The following LENG8 variants were observed in gnomAD, a reference collection of about 807,000 sequenced individuals.
LENG8 encodes the protein leukocyte receptor cluster (LRC) member 8.
LENG8 carries 28 observed loss-of-function variants against 102.1 expected under a neutral mutation model. That is an observed-to-expected ratio of 0.27 (90% confidence interval 0.20 to 0.38). LENG8 has a LOEUF of 0.38. Among genes scored for constraint, LENG8 ranks in the 10% least tolerant of loss-of-function variants. The pLI, the probability that LENG8 is intolerant of heterozygous loss-of-function variation, is 1.00. For missense variants in LENG8, 1,022 were observed against 1,113.9 expected (o/e 0.92, Z 1.17); for synonymous variants, 531 against 456.7 (o/e 1.16, Z -2.07).
rs1406368810 is a variant in LENG8, at chr19:54,452,669, G to T, written c.232G>T (p.Ala78Ser). 1 of 1,614,048 alleles carries T rather than the reference G, an allele frequency of 6.2e-7. No individual in the cohort carries two copies. Among genetic ancestry groups the T allele is most frequent in the Non-Finnish European group, 8.5e-7 (1 of 1,179,922 alleles). The change falls in exon 4 of 16, where the codon GCC (alanine) becomes TCC (serine). Residue 78 changes from alanine (A) to serine (S), a missense_variant. Ala to Ser is a moderately conservative substitution (Grantham distance 99, BLOSUM62 1). Transcript: ENST00000326764. The stretch of plus-strand genomic sequence containing the variant: ...TCCACAGTACGTGTCCCAGGCAGAA[G>T]CCTCAGCTTTGCAGCAGCAGCAGTA... Reference protein sequence around the residue: ...ASAQYVSQAEASALQQQQYYQ... With the variant: ...ASAQYVSQAESSALQQQQYYQ...
Position 54,461,106 on chromosome 19 carries a change from GT to G in LENG8, c.*183del. ...GGAGTCTGTACAGAGATTTTTCTAC[GT>G]TTTTATTTTTTGCCTCAGAGGGATG... On this transcript the variant is annotated 3_prime_UTR_variant, in exon 16 of 16. Coordinates refer to ENST00000326764, the MANE Select transcript of LENG8 (RefSeq NM_052925.4). The G allele has an allele frequency of 2.0e-6, 2 of 1,002,410 alleles. No individual in the cohort carries two copies. The highest frequency in any genetic ancestry group is 3.0e-6 in the Non-Finnish European group (2 of 670,638). The allele number at this position is 1,002,410 out of a possible 1,614,324, so 62.1% of individuals were successfully genotyped here. A position where few individuals can be genotyped will look rare whatever the true frequency, so the allele number is the denominator to read the frequency against.
At chr19:54,455,646 G>T in intron 8 of LENG8, 79 bp downstream of exon 8, 1 of 1,290,190 alleles carries the variant, frequency 7.8e-7, no homozygotes, top group South Asian at 1.3e-5. Context: ...GGAGAGTTGC[G>T]GGTCCCAGGT....
At chr19:54,457,422 C>T (rs932457745) in intron 11 of LENG8, among the ~76,000 whole-genome samples, 44 of 152,216 alleles carry the variant, frequency 2.9e-4, no homozygotes, top group African/African-American at 1.0e-3. Flanking sequence ...CTCACCGCAG[C>T]CTCCGCTCCC....
In LENG8 at chr19:54,460,785, G is replaced by A. The variant is rs1490212601; in HGVS notation, c.2260G>A (p.Val754Ile). 6 of 1,340,700 alleles carry A rather than the reference G, an allele frequency of 4.5e-6. No homozygotes were observed. The highest frequency in any genetic ancestry group is 5.9e-6 in the Non-Finnish European group (6 of 1,012,910). The allele number at this position is 1,340,700 out of a possible 1,614,324, so 83.1% of individuals were successfully genotyped here. ...CCATAGCTTCCGCCCTGCGCTGCCA[G>A]TCTCCTACCTGCAGGCCGAGCTGGC... is the stretch of plus-strand genomic sequence containing the variant. ...MIKTFRPALP[V>I]SYLQAELAFE... Residue 754 changes from valine (V) to isoleucine (I), a missense_variant, in exon 16 of 16, where the codon GTC (valine) becomes ATC (isoleucine). Around this residue, in one of 7 missense-constraint regions of LENG8, gnomAD observed 129 missense variants for 123.0 expected, o/e 1.05. Transcript: ENST00000326764.
intron 15 of LENG8, 146 bp from the exon 16 acceptor site, chr19:54,460,612 TGAGGTGGG>T: frequency 7.2e-7 from 1 of 1,394,828 alleles, no homozygotes; most frequent in East Asian, 2.7e-5. Context: ...CCCGAGCCCC[TGAGGTGGG>T]GAGGCTGGGA....
intron 3 of LENG8, 70 bp downstream of exon 3, chr19:54,452,337 G>A (rs376303214): frequency 2.8e-5 from 39 of 1,378,122 alleles, no homozygotes; most frequent in African/African-American, 1.9e-4. Flanking sequence ...CTGGCGTCCT[G>A]TTGTATCATT....
intron 5 of LENG8, 136 bp downstream of exon 5, chr19:54,453,792 G>A (rs557152643): frequency 3.1e-6 from 2 of 654,148 alleles, no homozygotes; most frequent in East Asian, 2.8e-5. Flanking sequence ...CTGAAAATGA[G>A]GAGGACAGAG....
rs758146199 is a variant in LENG8, at chr19:54,451,375, A to G, written c.31A>G (p.Thr11Ala). 3 of 1,614,176 alleles carry G rather than the reference A, an allele frequency of 1.9e-6. No homozygotes were observed. The highest frequency in any genetic ancestry group is 2.2e-5 in the South Asian group (2 of 91,090). The stretch of plus-strand genomic sequence containing the variant: ...GGCCAACGTGGGTGATCAACGTAGC[A>G]CAGATTGGTTAGTGAGGCGAGAGGG... Reference protein sequence around the residue: MAANVGDQRSTDWSSQYSMVA... With the variant: MAANVGDQRSADWSSQYSMVA... Residue 11 changes from threonine to alanine, a missense_variant, in exon 2 of 16, where the codon ACA becomes GCA. Thr to Ala is a moderately conservative substitution (Grantham distance 58, BLOSUM62 0). This residue lies in a region of LENG8 where 37 missense variants were observed against 46.3 expected (regional missense o/e 0.80). Coordinates refer to ENST00000326764, the MANE Select transcript of LENG8 (RefSeq NM_052925.4).
intron 15 of LENG8, 85 bp from the exon 16 acceptor site, chr19:54,460,681 C>T (rs1011563568): frequency 1.1e-5 from 16 of 1,449,774 alleles, no homozygotes; most frequent in South Asian, 2.9e-5. Context: ...TGTGGGCACC[C>T]GAATGGGGGG....
In LENG8 at chr19:54,461,324, C is replaced by T. The variant is rs1490559488; in HGVS notation, c.*396C>T. 1.1e-5 allele frequency: 5 copies of T among 461,096 alleles called. No homozygotes were observed. The highest frequency in any genetic ancestry group is 2.2e-5 in the Non-Finnish European group (5 of 232,254). 28.6% of individuals were successfully genotyped at this position (461,096 alleles called of 1,614,324 possible). ...GGCCAGTGGAAAGAAGACAGGCCGT[C>T]CAGCCCGTGCCCGCCTGCGGCGGGG... is the stretch of plus-strand genomic sequence containing the variant. On this transcript the variant is annotated 3_prime_UTR_variant, in exon 16 of 16. Transcript: ENST00000326764.
At chr19:54,449,517 T>C in intron 1 of LENG8, 1 of 152,102 alleles carries the variant, frequency 6.6e-6, no homozygotes, top group Non-Finnish European at 1.5e-5. Flanking sequence ...TGCGCCGTCG[T>C]CTTCTAATTT....
rs187215838 is a variant in LENG8 at position 54,450,273 on chromosome 19, C to T, written c.-56+963C>T. 5.9e-3 allele frequency among the ~76,000 whole-genome samples: 893 copies of T among 152,284 alleles called. 9 individuals carry two copies. Among genetic ancestry groups the T allele is most frequent in the South Asian group, 0.048 (233 of 4,826 alleles). On this transcript the variant is annotated intron_variant, in intron 1 of 15. Coordinates refer to ENST00000326764, the MANE Select transcript of LENG8 (RefSeq NM_052925.4). The stretch of plus-strand genomic sequence containing the variant: ...CAGGCAGGGGTAGTCCCACTGAGGA[C>T]TCCCACGTAGGTCTCTTTACTGCCC...
In LENG8 at chr19:54,458,674, C is replaced by T. The variant is rs1249679621; in HGVS notation, c.2240+153C>T. 5 of 1,552,028 alleles carry T rather than the reference C, an allele frequency of 3.2e-6. No homozygotes were observed. In the East Asian group the frequency reaches 7.3e-5, roughly 23 times the overall value. On this transcript the variant is annotated intron_variant, in intron 15 of 15. Transcript: ENST00000326764. ...ATCATCTTTCTCCATTCAGCCCTCCCCTCTCCAGTTCCTCTTGCTCTCCTT... is the reference window on the plus strand; with the variant it reads ...ATCATCTTTCTCCATTCAGCCCTCCTCTCTCCAGTTCCTCTTGCTCTCCTT...
In LENG8 at chr19:54,461,013, T is replaced by G. The variant is rs1202030680; in HGVS notation, c.*85T>G. Reference sequence around the variant, plus strand: ...TCTGTTTTTGAGCCGTGGACTTGGGTTGTAAATTTATTTGTGGGGAGTGCG... The same window carrying G: ...TCTGTTTTTGAGCCGTGGACTTGGGGTGTAAATTTATTTGTGGGGAGTGCG... On this transcript the variant is annotated 3_prime_UTR_variant, in exon 16 of 16. Transcript: ENST00000326764. 1.3e-6 allele frequency: 2 copies of G among 1,528,454 alleles called. No homozygotes were observed. The highest frequency in any genetic ancestry group is 4.9e-5 in the East Asian group (2 of 40,776). 94.7% of individuals were successfully genotyped at this position (1,528,454 alleles called of 1,614,324 possible).
chr19:54,450,682 G>C (rs2083922154), intron 1 of LENG8, among the ~76,000 whole-genome samples: 1 of 149,522 alleles, frequency 6.7e-6, no homozygotes, highest in African/African-American at 2.5e-5. Flanking sequence ...GAGAGCAATG[G>C]CGCAGTCTCA....
At chr19:54,454,128 G>T (rs886192008) in intron 5 of LENG8, among the ~76,000 whole-genome samples, 3 of 152,134 alleles carry the variant, frequency 2.0e-5, no homozygotes, top group Non-Finnish European at 4.4e-5. Flanking sequence ...TAGCGCTGGA[G>T]TGGGTGTGTT....
At chr19:54,459,024 C>A in intron 15 of LENG8, 1 of 1,435,414 alleles carries the variant, frequency 7.0e-7, no homozygotes. Flanking sequence ...GGCGCGGTGC[C>A]AGAGGCCCCT....
intron 15 of LENG8, chr19:54,459,942 C>A (rs750615717): frequency 4.1e-6 from 5 of 1,204,964 alleles, no homozygotes; most frequent in Middle Eastern, 3.7e-4. Context: ...GGGCGAGTGT[C>A]CTTGTTAATT....
In LENG8 at chr19:54,461,108, TTTTA is replaced by T; in HGVS notation, c.*184_*187del. 1.0e-6 allele frequency: 1 copy of T among 979,974 alleles called. No homozygotes were observed. Among genetic ancestry groups the T allele is most frequent in the Admixed American group, 2.2e-5 (1 of 45,956 alleles). The allele number at this position is 979,974 out of a possible 1,614,324, so 60.7% of individuals were successfully genotyped here. A position where few individuals can be genotyped will look rare whatever the true frequency, so the allele number is the denominator to read the frequency against. ...AGTCTGTACAGAGATTTTTCTACGT[TTTTA>T]TTTTTTGCCTCAGAGGGATGGGATT... On this transcript the variant is annotated 3_prime_UTR_variant, in exon 16 of 16. Transcript: ENST00000326764.
Sources: gnomAD v4.1 joint callset for allele counts (sites outside exome capture counted in the v4.1 genomes callset) on GRCh38, gnomAD v4.1.1 for gene constraint, gnomAD v4.1.1 regional missense constraint, MANE v1.5 for transcripts, NCBI Gene and HGNC (gene_info 2026-07-23, HGNC 2026-07-21) for gene names.